The following ITPR2 variants were observed in gnomAD, a reference collection of about 807,000 sequenced individuals.
ITPR2 encodes the protein inositol 1,4,5-trisphosphate-gated calcium channel ITPR2.
ITPR2 carries 207 observed loss-of-function variants against 317.1 expected under a neutral mutation model. That is an observed-to-expected ratio of 0.65 (90% confidence interval 0.58 to 0.73). The LOEUF is 0.73. Ranked by LOEUF, ITPR2 falls within the 30% of genes least tolerant of loss-of-function variation. ITPR2 has a pLI of 0.00. For missense variants in ITPR2, 2,613 were observed against 3,284.0 expected (o/e 0.80, Z 4.99); for synonymous variants, 1,156 against 1,149.1 (o/e 1.01, Z -0.12).
At chr12:26,799,736 T>C (rs1203975897) in intron 1 of ITPR2, among the ~76,000 whole-genome samples, 1 of 152,252 alleles carries the variant, frequency 6.6e-6, no homozygotes, top group East Asian at 1.9e-4. Context: ...CCCAGTGTTA[T>C]TGCAAGTCAG....
chr12:26,677,462 T>G (rs1187628415), intron 13 of ITPR2, among the ~76,000 whole-genome samples: 1 of 151,818 alleles, frequency 6.6e-6, no homozygotes, highest in African/African-American at 2.4e-5. Context: ...TAGCTGGGTG[T>G]GGTGGCACGT....
intron 37 of ITPR2, among the ~76,000 whole-genome samples, chr12:26,537,161 T>G (rs918535382): frequency 3.3e-5 from 5 of 152,126 alleles, no homozygotes; most frequent in African/African-American, 1.2e-4. Flanking sequence ...CAAGGCAATG[T>G]CATGGTGGTG....
chr12:26,725,564 G>A (rs1948905375), intron 3 of ITPR2, 86 bp downstream of exon 3: 1 of 875,374 alleles, frequency 1.1e-6, no homozygotes. Flanking sequence ...TTGGGTGAAA[G>A]GACAAAGCTA....
chr12:26,803,587 C>T (rs1373150731), intron 1 of ITPR2, among the ~76,000 whole-genome samples: 1 of 152,176 alleles, frequency 6.6e-6, no homozygotes, highest in East Asian at 1.9e-4. Context: ...CTAGAGGAGA[C>T]CTCTGAAAAT....
intron 21 of ITPR2, chr12:26,649,343 A>G (rs1947189999): frequency 6.6e-6 from 1 of 152,240 alleles, no homozygotes; most frequent in South Asian, 2.1e-4. Flanking sequence ...TTAGCTAAGC[A>G]CAGTGCAATT....
chr12:26,375,200 G>T, intron 55 of ITPR2, among the ~76,000 whole-genome samples: 1 of 152,158 alleles, frequency 6.6e-6, no homozygotes. Flanking sequence ...AATTGAACAA[G>T]ATCTTACCGT....
At chr12:26,350,385 C>A (rs181376042) in intron 55 of ITPR2, among the ~76,000 whole-genome samples, 6 of 152,022 alleles carry the variant, frequency 3.9e-5, no homozygotes, top group African/African-American at 1.2e-4. Context: ...ACTTCTGCAG[C>A]GGGCATCCTG....
chr12:26,480,569 C>G (rs1201915209), intron 43 of ITPR2, among the ~76,000 whole-genome samples: 1 of 152,078 alleles, frequency 6.6e-6, no homozygotes, highest in Non-Finnish European at 1.5e-5. Flanking sequence ...AAGCCGGGCA[C>G]GATGGCTCAC....
chr12:26,792,691 T>C (rs1228148790), intron 1 of ITPR2, among the ~76,000 whole-genome samples: 1 of 152,130 alleles, frequency 6.6e-6, no homozygotes, highest in Non-Finnish European at 1.5e-5. Flanking sequence ...AGATACTAAA[T>C]AAATATTTGT....
At chr12:26,472,328 C>T (rs1030781214) in intron 45 of ITPR2, among the ~76,000 whole-genome samples, 4 of 152,104 alleles carry the variant, frequency 2.6e-5, no homozygotes, top group African/African-American at 9.7e-5. Context: ...AATCATGAGG[C>T]TTAAAGTATT....
At chr12:26,534,570 CT>C (rs1345500350) in intron 37 of ITPR2, among the ~76,000 whole-genome samples, 5 of 152,062 alleles carry the variant, frequency 3.3e-5, no homozygotes, top group Middle Eastern at 3.2e-3. Flanking sequence ...AGTATTCTCA[CT>C]TCAAAAAAAT....
intron 13 of ITPR2, among the ~76,000 whole-genome samples, chr12:26,676,274 C>T (rs1242329688): frequency 2.0e-5 from 3 of 152,054 alleles, no homozygotes; most frequent in Admixed American, 1.3e-4. Flanking sequence ...GTCGGGAGTT[C>T]GAGACCATCC....
intron 2 of ITPR2, among the ~76,000 whole-genome samples, chr12:26,785,600 G>A (rs1950221352): frequency 2.7e-5 from 1 of 37,636 alleles, no homozygotes; most frequent in Non-Finnish European, 6.5e-5. Context: ...GTCCGGGAGG[G>A]AGGTGGGGGG....
intron 26 of ITPR2, among the ~76,000 whole-genome samples, 178 bp from the exon 27 acceptor site, chr12:26,602,884 A>C (rs764378542): frequency 2.6e-5 from 4 of 152,200 alleles, no homozygotes; most frequent in Non-Finnish European, 5.9e-5. Flanking sequence ...TGACTGAGCC[A>C]TGCAAATTAC....
chr12:26,696,360 G>A (rs995404019), intron 9 of ITPR2, among the ~76,000 whole-genome samples: 1 of 152,128 alleles, frequency 6.6e-6, no homozygotes, highest in South Asian at 2.1e-4. Context: ...TGTGTTTCTT[G>A]AAACATCAAG....
intron 37 of ITPR2, among the ~76,000 whole-genome samples, chr12:26,538,951 C>A (rs976193100): frequency 3.9e-5 from 6 of 152,076 alleles, no homozygotes; most frequent in African/African-American, 1.5e-4. Context: ...AAAATACTTT[C>A]TTTCCTCAGA....
At position 26,831,019 on chromosome 12, in the gene ITPR2, A is replaced by T. The variant is rs542845583; in HGVS notation, c.92+1671T>A. ...TTACAAGTGGAAGCGCCAGAATTCAAACCCCAAGTATTCTGTCCATGGAAC... is the reference window on the plus strand; with the variant it reads ...TTACAAGTGGAAGCGCCAGAATTCATACCCCAAGTATTCTGTCCATGGAAC... On this transcript the variant is annotated intron_variant, in intron 1 of 56. Transcript: ENST00000381340. This position sits in a 1 kb window ranked among gnomAD's most constrained non-coding sequence, Gnocchi z 4.9. Among the ~76,000 whole-genome samples, 39 of 152,294 alleles carry T rather than the reference A, an allele frequency of 2.6e-4. No homozygotes were observed. Among genetic ancestry groups the T allele is most frequent in the African/African-American group, 9.1e-4 (38 of 41,554 alleles).
chr12:26,373,899 C>T (rs1939260967), intron 55 of ITPR2, among the ~76,000 whole-genome samples: 1 of 152,208 alleles, frequency 6.6e-6, no homozygotes, highest in African/African-American at 2.4e-5. Flanking sequence ...TCCTTTGTTG[C>T]TTTCATGATA....
chr12:26,740,646 A>T (rs1949214601), intron 2 of ITPR2, among the ~76,000 whole-genome samples: 1 of 152,242 alleles, frequency 6.6e-6, no homozygotes, highest in Admixed American at 6.5e-5. Flanking sequence ...TACCCCTGAG[A>T]TACGGAAATG....
Sources: allele counts gnomAD v4.1 joint callset (sites outside exome capture counted in the v4.1 genomes callset), GRCh38; gene constraint gnomAD v4.1.1; non-coding constraint Gnocchi (gnomAD v3.1); transcripts MANE v1.5; gene names NCBI Gene and HGNC (gene_info 2026-07-23, HGNC 2026-07-21).